CNTNAP5: variants seen among roughly 807,000 people sequenced by gnomAD.
The protein encoded by CNTNAP5 is contactin associated protein family member 5, also known as contactin-associated protein-like 5.
CNTNAP5 carries 72 observed loss-of-function variants against 150.2 expected under a neutral mutation model. That is an observed-to-expected ratio of 0.48 (90% confidence interval 0.40 to 0.58). CNTNAP5 has a LOEUF of 0.58. Among genes scored for constraint, CNTNAP5 ranks in the 20% least tolerant of loss-of-function variants. The pLI is 0.00. For missense variants in CNTNAP5, 1,636 were observed against 1,626.2 expected (o/e 1.01, Z -0.10); for synonymous variants, 672 against 619.8 (o/e 1.08, Z -1.25).
At chr2:124,218,273 T>A (rs1461128950) in intron 1 of CNTNAP5, among the ~76,000 whole-genome samples, 1 of 152,150 alleles carries the variant, frequency 6.6e-6, no homozygotes, top group African/African-American at 2.4e-5. Flanking sequence ...AATGGAACAT[T>A]AGGCAAAAAT....
chr2:124,333,007 T>C (rs1388078270), intron 3 of CNTNAP5, among the ~76,000 whole-genome samples: 1 of 152,138 alleles, frequency 6.6e-6, no homozygotes, highest in East Asian at 1.9e-4. Context: ...AACCCAAAGA[T>C]ATACACACGC....
chr2:124,704,385 A>G (rs540798496), intron 13 of CNTNAP5, among the ~76,000 whole-genome samples: 5 of 152,244 alleles, frequency 3.3e-5, no homozygotes, highest in African/African-American at 1.2e-4. Flanking sequence ...GATTAAACAA[A>G]CATAATAAAA....
chr2:124,424,548 T>C (rs1057234334), intron 4 of CNTNAP5, among the ~76,000 whole-genome samples: 2 of 152,242 alleles, frequency 1.3e-5, no homozygotes, highest in African/African-American at 4.8e-5. Flanking sequence ...TCATAGTTCC[T>C]ATAGGAATGA....
At chr2:124,698,375 TAC>T (rs59897587) in intron 13 of CNTNAP5, among the ~76,000 whole-genome samples, 76,792 of 147,276 alleles carry the variant, frequency 0.52, 20,310 homozygotes, top group East Asian at 0.9. Flanking sequence ...GACGAGAGGA[TAC>T]ACACACACAC....
chr2:124,101,303 A>T (rs911704589), intron 1 of CNTNAP5, among the ~76,000 whole-genome samples: 8 of 152,174 alleles, frequency 5.3e-5, no homozygotes, highest in African/African-American at 1.9e-4. Context: ...TAATTTCTGC[A>T]AGTTTGTCTT....
rs58774096 is a variant in CNTNAP5 at position 124,619,842 on chromosome 2, C to CATAT, written c.1876+9962_1876+9965dup. On this transcript the variant is annotated intron_variant, in intron 12 of 23. Coordinates refer to ENST00000682447, the MANE Select transcript of CNTNAP5 (RefSeq NM_001367498.1). ...AATCTCCTTCTCTCACTGTCTCATT[C>CATAT]ATATATATATATATATATATATATA... is the stretch of plus-strand genomic sequence containing the variant. Among the ~76,000 whole-genome samples the CATAT allele has an allele frequency of 1.0e-3, 99 of 98,434 alleles. 1 individual carries two copies. The highest frequency in any genetic ancestry group is 3.1e-3 in the African/African-American group (52 of 16,880). The allele number at this position is 98,434 out of a possible 152,430, so 64.6% of individuals were successfully genotyped here.
chr2:124,599,962 T>C (rs1013879947), intron 11 of CNTNAP5, among the ~76,000 whole-genome samples: 3 of 152,108 alleles, frequency 2.0e-5, no homozygotes, highest in African/African-American at 4.8e-5. Context: ...ACCATGTCTT[T>C]TTTTTTTGCA....
At chr2:124,221,877 G>A in intron 2 of CNTNAP5, 68 bp downstream of exon 2, 1 of 990,844 alleles carries the variant, frequency 1.0e-6, no homozygotes. Flanking sequence ...GTGAAGGAGA[G>A]TGAGCACTCT....
intron 20 of CNTNAP5, among the ~76,000 whole-genome samples, chr2:124,866,823 C>G (rs748561034): frequency 3.3e-5 from 5 of 152,080 alleles, no homozygotes; most frequent in Non-Finnish European, 7.3e-5. Context: ...TCCTGTTCTC[C>G]TGGTTGACCA....
chr2:124,488,189 T>C (rs1364367976), intron 7 of CNTNAP5, among the ~76,000 whole-genome samples: 1 of 152,170 alleles, frequency 6.6e-6, no homozygotes, highest in Non-Finnish European at 1.5e-5. Flanking sequence ...ACTATACAGG[T>C]ATAGATTTTT....
At chr2:124,852,517 A>G (rs1200482668) in intron 19 of CNTNAP5, among the ~76,000 whole-genome samples, 1 of 152,210 alleles carries the variant, frequency 6.6e-6, no homozygotes, top group East Asian at 1.9e-4. Context: ...GGTACAAGGG[A>G]ATATGATATA....
At chr2:124,524,593 C>G (rs1694923103) in intron 9 of CNTNAP5, 141 bp downstream of exon 9, 2 of 754,220 alleles carry the variant, frequency 2.7e-6, no homozygotes, top group Non-Finnish European at 4.2e-6. Flanking sequence ...CACATACACA[C>G]ACACCCTCAA....
chr2:124,048,865 AAGAATAT>A (rs1681614084), intron 1 of CNTNAP5, among the ~76,000 whole-genome samples: 1 of 152,230 alleles, frequency 6.6e-6, no homozygotes, highest in Non-Finnish European at 1.5e-5. Flanking sequence ...AGTGTCCTTG[AAGAATAT>A]CACTAAGGCA....
At chr2:124,315,493 A>G (rs553500274) in intron 3 of CNTNAP5, among the ~76,000 whole-genome samples, 3 of 152,302 alleles carry the variant, frequency 2.0e-5, no homozygotes, top group East Asian at 3.9e-4. Context: ...CTGCTCGGCT[A>G]TCACTGGAGC....
rs115361009 is a variant in CNTNAP5, at chr2:124,418,429, G to T, written c.529+839G>T. ...CCATAGTGAGATCAACTGAATGCCTGTATCAGAATCAATAGGAGTGTTGCC... is the reference window on the plus strand; with the variant it reads ...CCATAGTGAGATCAACTGAATGCCTTTATCAGAATCAATAGGAGTGTTGCC... On this transcript the variant is annotated intron_variant, in intron 4 of 23. Coordinates refer to ENST00000682447, the MANE Select transcript of CNTNAP5 (RefSeq NM_001367498.1). Among the ~76,000 whole-genome samples the T allele has an allele frequency of 1.0e-3, 155 of 152,272 alleles. 1 individual carries two copies. Among genetic ancestry groups the T allele is most frequent in the African/African-American group, 3.7e-3 (152 of 41,562 alleles).
chr2:124,047,380 G>A (rs183480406), intron 1 of CNTNAP5, among the ~76,000 whole-genome samples: 2 of 152,348 alleles, frequency 1.3e-5, no homozygotes, highest in Admixed American at 6.5e-5. Flanking sequence ...GACAGGTGAA[G>A]TATCTTACCC....
intron 1 of CNTNAP5, among the ~76,000 whole-genome samples, chr2:124,111,383 T>C (rs1225400979): frequency 6.6e-6 from 1 of 152,244 alleles, no homozygotes; most frequent in Non-Finnish European, 1.5e-5. Flanking sequence ...TTTCTGGCTA[T>C]GATACGGTGG....
intron 3 of CNTNAP5, among the ~76,000 whole-genome samples, chr2:124,414,090 G>C (rs115782212): frequency 6.7e-6 from 1 of 148,390 alleles, no homozygotes; most frequent in Non-Finnish European, 1.5e-5. Context: ...TAGATTGATA[G>C]TGTTTTACTT....
At chr2:124,373,968 G>T (rs1393691938) in intron 3 of CNTNAP5, among the ~76,000 whole-genome samples, 2 of 151,918 alleles carry the variant, frequency 1.3e-5, no homozygotes, top group Non-Finnish European at 2.9e-5. Context: ...CAATATATTT[G>T]CAGTGTGATA....
Sources: gnomAD v4.1 joint callset for allele counts (sites outside exome capture counted in the v4.1 genomes callset) on GRCh38, gnomAD v4.1.1 for gene constraint, MANE v1.5 for transcripts, NCBI Gene and HGNC (gene_info 2026-07-23, HGNC 2026-07-21) for gene names.